MGMT: variants seen among roughly 807,000 people sequenced by gnomAD.
MGMT encodes the protein O-6-methylguanine-DNA methyltransferase.
MGMT carries 14 observed loss-of-function variants against 15.9 expected under a neutral mutation model. That is an observed-to-expected ratio of 0.88 (90% CI 0.58 to 1.37). The LOEUF is 1.37. Ranked by LOEUF, MGMT falls within the 40% of genes most tolerant of loss-of-function variation. The pLI is 0.00. For synonymous variants in MGMT, 130 were observed against 118.2 expected (o/e 1.10, Z -0.65); for missense variants, 282 against 268.1 (o/e 1.05, Z -0.36).
chr10:129,742,577 G>C (rs1414023280), intron 3 of MGMT, among the ~76,000 whole-genome samples: 3 of 151,242 alleles, frequency 2.0e-5, no homozygotes, highest in Non-Finnish European at 2.9e-5. Flanking sequence ...CAGGTCCTCA[G>C]GGCTGGGGCG....
intron 3 of MGMT, among the ~76,000 whole-genome samples, chr10:129,757,099 T>C (rs528105997): frequency 1.5e-3 from 233 of 152,324 alleles, no homozygotes; most frequent in South Asian, 9.1e-3. Context: ...AGGTGCCTGA[T>C]TGCTAAATAC....
chr10:129,526,462 G>A (rs1235326032), intron 1 of MGMT, among the ~76,000 whole-genome samples: 1 of 152,124 alleles, frequency 6.6e-6, no homozygotes, highest in African/African-American at 2.4e-5. Flanking sequence ...AGGCCACAAG[G>A]GACCTGGGCT....
At chr10:129,625,056 A>G (rs528821659) in intron 2 of MGMT, among the ~76,000 whole-genome samples, 22 of 152,342 alleles carry the variant, frequency 1.4e-4, no homozygotes, top group Admixed American at 1.3e-3. Context: ...ATGACAAATA[A>G]TATAAATGAA....
At chr10:129,498,972 C>T (rs1845549949) in intron 1 of MGMT, among the ~76,000 whole-genome samples, 1 of 152,234 alleles carries the variant, frequency 6.6e-6, no homozygotes, top group East Asian at 1.9e-4. Flanking sequence ...GCAAGTTCAT[C>T]TGATGCCTCT....
In MGMT at chr10:129,762,275, T is replaced by C. The variant is rs112572589; in HGVS notation, c.414+2934T>C. On this transcript the variant is annotated intron_variant, in intron 4 of 4. Coordinates refer to ENST00000651593, the MANE Select transcript of MGMT (RefSeq NM_002412.5). Reference sequence around the variant, plus strand: ...AAGGGAGGAGAGTGAAAAATGGACTTGGAATGTTAGAAAACATCGTAAAGC... The same window carrying C: ...AAGGGAGGAGAGTGAAAAATGGACTCGGAATGTTAGAAAACATCGTAAAGC... 3.9e-5 allele frequency among the ~76,000 whole-genome samples: 6 copies of C among 152,354 alleles called. 1 individual carries two copies. The highest frequency in any genetic ancestry group is 1.2e-4 in the African/African-American group (5 of 41,570).
intron 2 of MGMT, among the ~76,000 whole-genome samples, chr10:129,643,811 A>G (rs1847355805): frequency 6.6e-6 from 1 of 152,194 alleles, no homozygotes; most frequent in Non-Finnish European, 1.5e-5. Flanking sequence ...TGAGGCATCA[A>G]AGCTATGCTT....
At chr10:129,601,976 CAATT>C (rs1363171186) in intron 2 of MGMT, among the ~76,000 whole-genome samples, 1 of 152,152 alleles carries the variant, frequency 6.6e-6, no homozygotes, top group African/African-American at 2.4e-5. Flanking sequence ...CCTAGACTAA[CAATT>C]AATCAGGCTC....
intron 1 of MGMT, among the ~76,000 whole-genome samples, chr10:129,479,785 T>TTGGGGTGGGGGTGGAGTGG: frequency 6.8e-6 from 1 of 146,878 alleles, no homozygotes; most frequent in Non-Finnish European, 1.5e-5. Context: ...TGTGGAGGGG[T>TTGGGGTGGGGGTGGAGTGG]TGGGGTGGGG....
At chr10:129,693,464 C>T (rs1483737241) in intron 2 of MGMT, among the ~76,000 whole-genome samples, 1 of 152,110 alleles carries the variant, frequency 6.6e-6, no homozygotes. Context: ...CAGCGTTGGC[C>T]GGAAGCATAA....
intron 1 of MGMT, among the ~76,000 whole-genome samples, chr10:129,478,700 C>T (rs2119630033): frequency 6.6e-6 from 1 of 152,320 alleles, no homozygotes; most frequent in Non-Finnish European, 1.5e-5. Flanking sequence ...CCTTGCAGTG[C>T]AGGCTGGCAC....
chr10:129,468,068 G>GGGGGGTCACCAC (rs1554900588), intron 1 of MGMT, among the ~76,000 whole-genome samples: 1 of 151,864 alleles, frequency 6.6e-6, no homozygotes, highest in Non-Finnish European at 1.5e-5. Context: ...TTGGTCCAGA[G>GGGGGGTCACCAC]AGCTGTTCTC....
chr10:129,664,146 G>A (rs899501785), intron 2 of MGMT, among the ~76,000 whole-genome samples: 1 of 152,062 alleles, frequency 6.6e-6, no homozygotes. Flanking sequence ...GGAATGCAAG[G>A]GTAGTTTGGT....
At chr10:129,616,036 T>C (rs1847021825) in intron 2 of MGMT, among the ~76,000 whole-genome samples, 1 of 152,164 alleles carries the variant, frequency 6.6e-6, no homozygotes, top group African/African-American at 2.4e-5. Context: ...TGTAGAAGTT[T>C]GCAACATGAA....
chr10:129,502,981 G>A (rs1589838493), intron 1 of MGMT, among the ~76,000 whole-genome samples: 2 of 152,126 alleles, frequency 1.3e-5, no homozygotes, highest in East Asian at 3.9e-4. Flanking sequence ...CTGAGTTGAC[G>A]AATATGAATA....
intron 2 of MGMT, among the ~76,000 whole-genome samples, chr10:129,553,129 T>G (rs1270896112): frequency 6.6e-6 from 1 of 152,190 alleles, no homozygotes; most frequent in Non-Finnish European, 1.5e-5. Flanking sequence ...AGTAAGCAAA[T>G]GCAAATAGAT....
intron 2 of MGMT, among the ~76,000 whole-genome samples, chr10:129,660,752 A>G (rs1469997073): frequency 1.3e-5 from 2 of 148,864 alleles, no homozygotes; most frequent in African/African-American, 5.1e-5. Flanking sequence ...TTCTTTTCAC[A>G]AAGAGGAAGA....
chr10:129,491,688 G>A (rs963070978), intron 1 of MGMT, among the ~76,000 whole-genome samples: 7 of 151,954 alleles, frequency 4.6e-5, no homozygotes, highest in African/African-American at 1.7e-4. Flanking sequence ...GGCAGATCAC[G>A]GACCTTGTTT....
chr10:129,585,044 A>G (rs1846603043), intron 2 of MGMT, among the ~76,000 whole-genome samples: 2 of 152,186 alleles, frequency 1.3e-5, no homozygotes, highest in East Asian at 1.9e-4. Flanking sequence ...AGCATTTTGA[A>G]AAACTTATGG....
intron 3 of MGMT, among the ~76,000 whole-genome samples, chr10:129,753,836 T>A (rs1278377246): frequency 2.0e-5 from 3 of 152,240 alleles, no homozygotes; most frequent in Non-Finnish European, 2.9e-5. Context: ...ATTATTTGCA[T>A]GCTTGGTAAT....
Sources: allele counts gnomAD v4.1 joint callset (sites outside exome capture counted in the v4.1 genomes callset), GRCh38; gene constraint gnomAD v4.1.1; transcripts MANE v1.5; gene names NCBI Gene and HGNC (gene_info 2026-07-23, HGNC 2026-07-21).